The following AKAP12 variants were observed in gnomAD, a reference collection of about 807,000 sequenced individuals.
The protein encoded by AKAP12 is A-kinase anchoring protein 12.
Under a neutral mutation model 79.9 loss-of-function variants are expected in AKAP12, and 32 were observed. The ratio of observed to expected loss-of-function variants is 0.40; its 90% CI spans 0.30 to 0.54. AKAP12 has a LOEUF of 0.54. Ranked by LOEUF, AKAP12 falls within the 20% of genes least tolerant of loss-of-function variation. AKAP12 has a pLI of 0.48. For missense variants in AKAP12, 2,074 were observed against 2,177.0 expected, an observed-to-expected ratio of 0.95 and a Z score of 0.94; for synonymous variants, 808 against 857.0, an observed-to-expected ratio of 0.94 and a Z score of 1.00.
intron 3 of AKAP12, among the ~76,000 whole-genome samples, chr6:151,347,534 T>C (rs1301111983): frequency 6.6e-6 from 1 of 152,230 alleles, no homozygotes; most frequent in Non-Finnish European, 1.5e-5. Flanking sequence ...ACTACTTATG[T>C]GGAACTAATT....
At chr6:151,300,945 T>G (rs1422992698) in intron 2 of AKAP12, among the ~76,000 whole-genome samples, 2 of 152,194 alleles carry the variant, frequency 1.3e-5, no homozygotes, top group Non-Finnish European at 2.9e-5. Context: ...CTAGTTCTCA[T>G]CTCAAAAGAA....
rs114060991 is a variant in AKAP12, at chr6:151,254,314, C to T, written c.162+13590C>T. ...ATTTTCTTTGTAAAACCTTCAGGAA[C>T]TAAAGTTTAGTCTGAACTCAGTTTG... On this transcript the variant is annotated intron_variant, in intron 2 of 4. Coordinates refer to ENST00000402676, the MANE Select transcript of AKAP12 (RefSeq NM_005100.4). Among the ~76,000 whole-genome samples the T allele has an allele frequency of 8.6e-3, 1,299 of 151,922 alleles. 18 individuals carry two copies. The highest frequency in any genetic ancestry group is 0.03 in the African/African-American group (1,244 of 41,484).
chr6:151,316,696 T>TA (rs1235881230), intron 3 of AKAP12, among the ~76,000 whole-genome samples: 15 of 152,212 alleles, frequency 9.9e-5, no homozygotes, highest in African/African-American at 1.7e-4. Flanking sequence ...AGTGGCGCGA[T>TA]CTCGGCTCGC....
chr6:151,307,451 A>C (rs1776999931), intron 3 of AKAP12, among the ~76,000 whole-genome samples: 2 of 152,230 alleles, frequency 1.3e-5, no homozygotes, highest in African/African-American at 4.8e-5. Context: ...CAGGGCCCTG[A>C]AAGCAGAGTG....
rs199635181 is a variant in AKAP12 at position 151,351,336 on chromosome 6, C to T, written c.2945C>T (p.Ala982Val). The T allele has an allele frequency of 6.2e-7, 1 of 1,614,230 alleles. No homozygotes were observed. Among genetic ancestry groups the T allele is most frequent in the East Asian group, 2.2e-5 (1 of 44,882 alleles). ...GAAGCTGTGACAGCTGCAGAAACTGCAGGGCCATTGGGTGCCGAAGAAGGA... is the reference window on the plus strand; with the variant it reads ...GAAGCTGTGACAGCTGCAGAAACTGTAGGGCCATTGGGTGCCGAAGAAGGA... ...TPEAVTAAET[A>V]GPLGAEEGTE... Residue 982 changes from alanine (A) to valine (V), a missense_variant, in exon 4 of 5, where the codon GCA (alanine) becomes GTA (valine). Physicochemically the swap from Ala to Val is moderately conservative, Grantham distance 64 (BLOSUM62 0). This residue lies in a region of AKAP12 where 1,428 missense variants were observed against 1,451.0 expected (regional missense o/e 0.98). Coordinates refer to ENST00000402676, the MANE Select transcript of AKAP12 (RefSeq NM_005100.4). The surrounding 1 kb of genome is among the most constrained non-coding windows in gnomAD (Gnocchi z 4.4).
intron 2 of AKAP12, among the ~76,000 whole-genome samples, chr6:151,248,040 TAAAC>T (rs151203307): frequency 0.035 from 5,307 of 152,096 alleles, 314 homozygotes; most frequent in African/African-American, 0.12. Context: ...CAAAACGAAA[TAAAC>T]CAAAATTTAA....
At chr6:151,305,379 A>C (rs1776956269) in intron 2 of AKAP12, among the ~76,000 whole-genome samples, 1 of 152,228 alleles carries the variant, frequency 6.6e-6, no homozygotes, top group Non-Finnish European at 1.5e-5. Flanking sequence ...TAAAGTAAAA[A>C]AGAGGTTTTT....
intron 3 of AKAP12, among the ~76,000 whole-genome samples, chr6:151,344,186 C>T (rs576806094): frequency 6.6e-6 from 1 of 152,136 alleles, no homozygotes; most frequent in Non-Finnish European, 1.5e-5. Flanking sequence ...TCTTCGCTAT[C>T]TGAAATGTTT....
At chr6:151,280,381 G>A (rs1479783574) in intron 2 of AKAP12, 1 of 151,866 alleles carries the variant, frequency 6.6e-6, no homozygotes, top group Non-Finnish European at 1.5e-5. Flanking sequence ...GGATGAAAGG[G>A]AATGCCCCAC....
chr6:151,273,481 CT>C (rs1273071121), intron 2 of AKAP12, among the ~76,000 whole-genome samples: 1 of 152,184 alleles, frequency 6.6e-6, no homozygotes, highest in African/African-American at 2.4e-5. Context: ...ACTTTCTCAT[CT>C]GTTATTCTTT....
chr6:151,268,959 T>G (rs914801870), intron 2 of AKAP12, among the ~76,000 whole-genome samples: 56 of 125,626 alleles, frequency 4.5e-4, no homozygotes, highest in Non-Finnish European at 8.5e-4. Context: ...TTTTTTTTTT[T>G]TTTTTTTTTT....
intron 2 of AKAP12, among the ~76,000 whole-genome samples, chr6:151,303,186 A>G (rs577328973): frequency 4.6e-5 from 7 of 152,164 alleles, no homozygotes; most frequent in Admixed American, 2.0e-4. Flanking sequence ...GCGAAAATCC[A>G]TCTCAAAAAT....
chr6:151,285,382 C>G (rs371922360), intron 2 of AKAP12, among the ~76,000 whole-genome samples: 1 of 57,600 alleles, frequency 1.7e-5, no homozygotes, highest in South Asian at 7.5e-4. Context: ...AGCTGCATTT[C>G]ACTGTGTGTG....
chr6:151,352,678 G>A lies in AKAP12; in HGVS notation c.4287G>A (p.Lys1429=). The A allele has an allele frequency of 6.2e-7, 1 of 1,614,192 alleles. No individual in the cohort carries two copies. ...FTLTAAAEEE[K]VLGETANILE... is the part of the protein sequence containing the mutation. ...TAACAGCGGCTGCAGAGGAGGAAAA[G>A]GTCTTAGGAGAAACTGCCAACATTT... Residue 1429 remains lysine (K), a synonymous_variant, in exon 4 of 5, where the codon AAG becomes AAA. Coordinates refer to ENST00000402676, the MANE Select transcript of AKAP12 (RefSeq NM_005100.4).
At chr6:151,255,755 A>T (rs1032593003) in intron 2 of AKAP12, among the ~76,000 whole-genome samples, 2 of 152,128 alleles carry the variant, frequency 1.3e-5, no homozygotes, top group African/African-American at 2.4e-5. Context: ...GAACCACTGC[A>T]CTCCAGCCTG....
intron 1 of AKAP12, 52 bp from the exon 2 acceptor site, chr6:151,240,332 G>T (rs1010194358): frequency 2.5e-6 from 1 of 400,368 alleles, no homozygotes; most frequent in South Asian, 7.2e-5. Context: ...ACCGGGGGGA[G>T]GGGGGCGGAG....
In AKAP12 at chr6:151,261,039, G is replaced by A. The variant is rs117191440; in HGVS notation, c.162+20315G>A. On this transcript the variant is annotated intron_variant, in intron 2 of 4. Transcript: ENST00000402676. Reference sequence around the variant, plus strand: ...ACTCTTTTTCTTCCAGCATGCACCTGTGCATTCCCTTATCCTTCACTCCTC... The same window carrying A: ...ACTCTTTTTCTTCCAGCATGCACCTATGCATTCCCTTATCCTTCACTCCTC... Among the ~76,000 whole-genome samples the A allele has an allele frequency of 1.6e-3, 236 of 152,068 alleles. 3 individuals are homozygous for A. Among genetic ancestry groups the A allele is most frequent in the South Asian group, 0.011 (52 of 4,818 alleles).
intron 3 of AKAP12, among the ~76,000 whole-genome samples, chr6:151,312,514 G>A (rs960483736): frequency 2.0e-4 from 30 of 148,620 alleles, no homozygotes; most frequent in African/African-American, 6.2e-4. Flanking sequence ...GAGGACGGCC[G>A]GGCACGGTGG....
chr6:151,272,493 TGATAGATAGATAGATAGATA>T (rs76256853), intron 2 of AKAP12, among the ~76,000 whole-genome samples: 2 of 144,256 alleles, frequency 1.4e-5, no homozygotes, highest in Non-Finnish European at 3.0e-5. Flanking sequence ...TTTCATGAGA[TGATAGATAGATAGATAGATA>T]GATAGATAGA....
Sources: allele counts gnomAD v4.1 joint callset (sites outside exome capture counted in the v4.1 genomes callset), GRCh38; gene constraint gnomAD v4.1.1; regional missense constraint gnomAD v4.1.1; non-coding constraint Gnocchi (gnomAD v3.1); transcripts MANE v1.5; gene names NCBI Gene and HGNC (gene_info 2026-07-23, HGNC 2026-07-21).